ZMYM2: variants seen among roughly 807,000 people sequenced by gnomAD.
ZMYM2 encodes the protein zinc finger MYM-type protein 2.
Under a neutral mutation model 162.8 loss-of-function variants are expected in ZMYM2, and 56 were observed. The ratio of observed to expected loss-of-function variants is 0.34; its 90% CI spans 0.28 to 0.43. The LOEUF is 0.43. ZMYM2 is among the 20% of genes least tolerant of loss of function. ZMYM2 has a pLI of 1.00. For missense variants in ZMYM2, 1,275 were observed against 1,621.8 expected (o/e 0.79, Z 3.67); for synonymous variants, 510 against 541.6 (o/e 0.94, Z 0.81).
the ZMYM2 span, among the ~76,000 whole-genome samples, chr13:19,941,327 A>AC: frequency 2.0e-4 from 30 of 151,920 alleles, no homozygotes; most frequent in Non-Finnish European, 3.7e-4. Flanking sequence ...AAAAACAAAA[A>AC]AAAAAAAGAA....
chr13:19,913,682 G>A, the ZMYM2 span, among the ~76,000 whole-genome samples: 13 of 152,276 alleles, frequency 8.5e-5, no homozygotes, highest in African/African-American at 3.1e-4. Flanking sequence ...CCAAGATCTC[G>A]CCACTGCATG....
chr13:19,962,674 G>A (rs531536713), intron 2 of ZMYM2, among the ~76,000 whole-genome samples: 1 of 150,882 alleles, frequency 6.6e-6, no homozygotes, highest in African/African-American at 2.4e-5. Flanking sequence ...ACAGGCATGC[G>A]CCACTGTGCC....
At chr13:19,946,557 G>A in the ZMYM2 span, among the ~76,000 whole-genome samples, 2 of 152,148 alleles carry the variant, frequency 1.3e-5, no homozygotes, top group Admixed American at 1.3e-4. Flanking sequence ...TCTAGCTCTC[G>A]ATCGCACTTA....
the ZMYM2 span, among the ~76,000 whole-genome samples, chr13:19,904,385 C>T: frequency 6.6e-6 from 1 of 151,842 alleles, no homozygotes; most frequent in Non-Finnish European, 1.5e-5. Flanking sequence ...GGTGAAACTC[C>T]GTCTCTACTA....
At chr13:19,992,195 A>G (rs2139718098) in intron 2 of ZMYM2, among the ~76,000 whole-genome samples, 1 of 152,264 alleles carries the variant, frequency 6.6e-6, no homozygotes, top group South Asian at 2.1e-4. Context: ...AAAGATTAAA[A>G]TTTTCAGAAA....
the ZMYM2 span, among the ~76,000 whole-genome samples, chr13:19,927,782 C>T: frequency 6.6e-6 from 1 of 152,188 alleles, no homozygotes; most frequent in African/African-American, 2.4e-5. Flanking sequence ...AGTCTCTCTG[C>T]TCCAAATCTT....
chr13:19,988,980 G>A (rs956501649), intron 2 of ZMYM2, among the ~76,000 whole-genome samples: 31 of 152,072 alleles, frequency 2.0e-4, no homozygotes, highest in Non-Finnish European at 3.2e-4. Context: ...TTAGCTGCAT[G>A]AAACTCTAGA....
chr13:20,039,489 T>G (rs1954035277), intron 12 of ZMYM2, among the ~76,000 whole-genome samples: 1 of 151,472 alleles, frequency 6.6e-6, no homozygotes, highest in East Asian at 1.9e-4. Context: ...TTTTTTTTTT[T>G]TTGACATGGT....
chr13:19,893,352 G>A, the ZMYM2 span, among the ~76,000 whole-genome samples: 8 of 151,754 alleles, frequency 5.3e-5, no homozygotes, highest in African/African-American at 1.9e-4. Flanking sequence ...AAAATACAAA[G>A]TTCTCTGGTA....
At chr13:19,893,144 A>T in the ZMYM2 span, among the ~76,000 whole-genome samples, 1 of 151,750 alleles carries the variant, frequency 6.6e-6, no homozygotes, top group East Asian at 1.9e-4. Flanking sequence ...AAAAATGGTT[A>T]AAATAGGGCT....
chr13:20,030,123 G>A (rs1336723842), intron 9 of ZMYM2, among the ~76,000 whole-genome samples: 1 of 151,766 alleles, frequency 6.6e-6, no homozygotes, highest in Non-Finnish European at 1.5e-5. Flanking sequence ...TAAAAAAAAA[G>A]GAATAGTAAA....
intron 2 of ZMYM2, among the ~76,000 whole-genome samples, chr13:19,971,602 G>T (rs956488096): frequency 2.0e-5 from 3 of 151,892 alleles, no homozygotes; most frequent in Admixed American, 6.6e-5. Context: ...TAGATATTCT[G>T]GGGAATATAG....
the ZMYM2 span, among the ~76,000 whole-genome samples, chr13:19,942,469 G>A: frequency 6.6e-6 from 1 of 151,142 alleles, no homozygotes; most frequent in Non-Finnish European, 1.5e-5. Context: ...TATTTTTACT[G>A]ATGTGGGAGG....
At chr13:19,920,370 T>C in the ZMYM2 span, among the ~76,000 whole-genome samples, 4 of 152,154 alleles carry the variant, frequency 2.6e-5, no homozygotes, top group African/African-American at 9.7e-5. Flanking sequence ...CCGATTTGGC[T>C]TGTGAGCGTT....
Position 20,003,016 on chromosome 13 carries a change from A to G in ZMYM2, c.1014A>G (p.Leu338=). The stretch of plus-strand genomic sequence containing the variant: ...CTTGTGCAAACTGCAAAAAACCTTT[A>G]CAGAAGGGCCAGACAGCTTATCAAC... ...KVTCANCKKP[L]QKGQTAYQRK... is the part of the protein sequence containing the mutation. The change falls in exon 4 of 25, where the codon TTA becomes TTG. Residue 338 remains leucine (L), a synonymous_variant. Coordinates refer to ENST00000610343, the MANE Select transcript of ZMYM2 (RefSeq NM_197968.4). 6.2e-7 allele frequency: 1 copy of G among 1,614,202 alleles called. No individual in the cohort carries two copies. Among genetic ancestry groups the G allele is most frequent in the Non-Finnish European group, 8.5e-7 (1 of 1,180,036 alleles).
intron 4 of ZMYM2, 66 bp downstream of exon 4, chr13:20,003,201 G>C: frequency 6.6e-7 from 1 of 1,505,740 alleles, no homozygotes; most frequent in South Asian, 1.3e-5. Context: ...TTTAAGAAAA[G>C]TGAAACAGAT....
chr13:19,869,594 C>A, the ZMYM2 span, among the ~76,000 whole-genome samples: 1 of 152,056 alleles, frequency 6.6e-6, no homozygotes, highest in African/African-American at 2.4e-5. Flanking sequence ...TTCAGACCAG[C>A]CTGGGCAACA....
intron 21 of ZMYM2, among the ~76,000 whole-genome samples, chr13:20,076,962 A>C (rs1218336166): frequency 6.7e-6 from 1 of 150,192 alleles, no homozygotes; most frequent in Non-Finnish European, 1.5e-5. Flanking sequence ...CAGCCTCCCG[A>C]GTACCTGGGA....
the ZMYM2 span, among the ~76,000 whole-genome samples, chr13:19,889,429 C>T: frequency 6.6e-6 from 1 of 152,012 alleles, no homozygotes; most frequent in Non-Finnish European, 1.5e-5. Context: ...AGCGAATTCT[C>T]CTGCCTCAGC....
Sources: allele counts gnomAD v4.1 joint callset (sites outside exome capture counted in the v4.1 genomes callset), GRCh38; gene constraint gnomAD v4.1.1; transcripts MANE v1.5; gene names NCBI Gene and HGNC (gene_info 2026-07-23, HGNC 2026-07-21).